The following SOS1 variants were observed in gnomAD, a reference collection of about 807,000 sequenced individuals.
SOS1 encodes SOS Ras/Rac guanine nucleotide exchange factor 1.
In SOS1, 25 loss-of-function variants were observed where a neutral mutation model predicts 157.6. The ratio of observed to expected loss-of-function variants is 0.16; its 90% confidence interval spans 0.12 to 0.22. The LOEUF is 0.22. SOS1 is among the 10% of genes least tolerant of loss of function. The pLI, the probability that SOS1 is intolerant of heterozygous loss-of-function variation, is 1.00. For missense variants in SOS1, 1,237 were observed against 1,599.1 expected, an observed-to-expected ratio of 0.77 and a Z score of 3.86; for synonymous variants, 528 against 534.0, an observed-to-expected ratio of 0.99 and a Z score of 0.16.
At chr2:39,060,372 C>T (rs1172678971) in intron 2 of SOS1, among the ~76,000 whole-genome samples, 1 of 152,198 alleles carries the variant, frequency 6.6e-6, no homozygotes, top group African/African-American at 2.4e-5. Context: ...TTTCCTAAAA[C>T]AAACCTGTCC....
intron 6 of SOS1, among the ~76,000 whole-genome samples, chr2:39,048,411 TTTTC>T (rs1670874720): frequency 6.6e-6 from 1 of 152,114 alleles, no homozygotes; most frequent in Non-Finnish European, 1.5e-5. Context: ...TTCTTTTTTT[TTTTC>T]TTTAAGACAG....
At chr2:39,092,651 G>A (rs570619748) in intron 1 of SOS1, among the ~76,000 whole-genome samples, 233 of 152,146 alleles carry the variant, frequency 1.5e-3, no homozygotes, top group African/African-American at 5.4e-3. Context: ...AACACTGCTT[G>A]GCATTTCTGT....
chr2:39,067,587 A>T, intron 2 of SOS1, 41 bp downstream of exon 2: 2 of 1,586,742 alleles, frequency 1.3e-6, no homozygotes, highest in Non-Finnish European at 8.7e-7. Context: ...ACCAACACAC[A>T]AATTAGATAT....
Position 39,120,434 on chromosome 2 carries a change from G to T in SOS1, c.-12C>A. 1 of 1,572,002 alleles carries T rather than the reference G, an allele frequency of 6.4e-7. No individual in the cohort carries two copies. Among genetic ancestry groups the T allele is most frequent in the Non-Finnish European group, 8.6e-7 (1 of 1,161,638 alleles). ...TGCTGCGCCTGCATGGTGCCCCCGG[G>T]GCGCCTCTGGGCGGGGAGAGGGGCG... On this transcript the variant is annotated 5_prime_UTR_variant, in exon 1 of 23. Transcript: ENST00000402219.
At position 39,099,421 on chromosome 2, in the gene SOS1, T is replaced by G. The variant is rs558882832; in HGVS notation, c.87+20915A>C. ...AAATCCATAAAGACAGAAAATAGAT[T>G]AATGGTTACCTGGGGCTGGAGGTTT... is the stretch of plus-strand genomic sequence containing the variant. On this transcript the variant is annotated intron_variant, in intron 1 of 22. Transcript: ENST00000402219. Among the ~76,000 whole-genome samples, 4 of 152,248 alleles carry G rather than the reference T, an allele frequency of 2.6e-5. No homozygotes were observed. In the East Asian group the frequency reaches 7.7e-4, roughly 29 times the overall value.
intron 1 of SOS1, among the ~76,000 whole-genome samples, chr2:39,102,536 A>AG (rs1200753087): frequency 6.8e-6 from 1 of 146,882 alleles, no homozygotes; most frequent in East Asian, 1.9e-4. Flanking sequence ...ATCTCAAAAA[A>AG]AAAAAAAAAA....
intron 8 of SOS1, among the ~76,000 whole-genome samples, chr2:39,026,382 A>C (rs1302714403): frequency 6.7e-6 from 1 of 149,966 alleles, no homozygotes; most frequent in African/African-American, 2.4e-5. Context: ...AAACAGAAAA[A>C]TTTATTCCTA....
At chr2:39,090,139 CAAAA>C (rs10598316) in intron 1 of SOS1, among the ~76,000 whole-genome samples, 6 of 110,932 alleles carry the variant, frequency 5.4e-5, no homozygotes, top group South Asian at 3.1e-4. Context: ...GACCCTGTCT[CAAAA>C]AAAAAAAAAA....
rs373948887 is a variant in SOS1, at chr2:38,995,195, C to T, written c.3274G>A (p.Ala1092Thr). 3 of 1,613,896 alleles carry T rather than the reference C, an allele frequency of 1.9e-6. No individual in the cohort carries two copies. The African/African-American group carries it at 4.0e-5, about 22-fold the overall frequency. The change falls in exon 20 of 23, where the codon GCT becomes ACT. Residue 1092 changes from alanine to threonine, a missense_variant. Ala to Thr is a moderately conservative substitution (Grantham distance 58). Transcript: ENST00000402219. Reference sequence around the variant, plus strand: ...TCTGTGGTACTGGAAGCACCAGAAGCAGGCGGAGGTGTTAACGGTGTTCTT... The same window carrying T: ...TCTGTGGTACTGGAAGCACCAGAAGTAGGCGGAGGTGTTAACGGTGTTCTT... ...SPRTPLTPPP[A>T]SGASSTTDVC...
chr2:39,119,569 T>C (rs1404747928), intron 1 of SOS1, among the ~76,000 whole-genome samples: 1 of 152,224 alleles, frequency 6.6e-6, no homozygotes, highest in Non-Finnish European at 1.5e-5. Flanking sequence ...AAAAATAGTC[T>C]GGTTGTCACA....
chr2:39,022,509 A>G, intron 10 of SOS1, 61 bp downstream of exon 10: 1 of 1,330,864 alleles, frequency 7.5e-7, no homozygotes, highest in Non-Finnish European at 1.1e-6. Context: ...AAACCCATGC[A>G]GGAAAGAAAA....
chr2:39,110,844 T>C (rs1673399948), intron 1 of SOS1, among the ~76,000 whole-genome samples: 2 of 152,248 alleles, frequency 1.3e-5, no homozygotes, highest in African/African-American at 4.8e-5. Context: ...CTCACACCTA[T>C]AACCCCAGCA....
intron 1 of SOS1, among the ~76,000 whole-genome samples, chr2:39,091,758 T>C (rs759245720): frequency 2.6e-5 from 4 of 152,164 alleles, no homozygotes; most frequent in East Asian, 1.9e-4. Context: ...TGCCATTCTA[T>C]AATACGGCCA....
intron 5 of SOS1, among the ~76,000 whole-genome samples, chr2:39,051,575 CTA>C (rs1671018194): frequency 6.6e-6 from 1 of 152,022 alleles, no homozygotes; most frequent in African/African-American, 2.4e-5. Context: ...TTGTTTATAA[CTA>C]TGTATTTCAA....
chr2:39,099,739 A>G (rs1672896092), intron 1 of SOS1, among the ~76,000 whole-genome samples: 3 of 152,094 alleles, frequency 2.0e-5, no homozygotes. Flanking sequence ...CAAACCATAT[A>G]TCTTTTTTTA....
chr2:38,997,662 A>G (rs1014296470), intron 17 of SOS1, among the ~76,000 whole-genome samples: 2 of 150,872 alleles, frequency 1.3e-5, no homozygotes, highest in Admixed American at 6.6e-5. Context: ...AGTGGGATAC[A>G]TATTTTTTAT....
At position 38,986,086 on chromosome 2, in the gene SOS1, G is replaced by A; in HGVS notation, c.3740C>T (p.Ala1247Val). Reference sequence around the variant, plus strand: ...GGGGGAAGGGCTGTTTGGGAAGAAGGCATTGCCATGGTCACTTTTTTTGCC... The same window carrying A: ...GGGGGAAGGGCTGTTTGGGAAGAAGACATTGCCATGGTCACTTTTTTTGCC... ...PLGKKSDHGNAFFPNSPSPFT... is the reference protein window; with the variant it reads ...PLGKKSDHGNVFFPNSPSPFT... Residue 1247 changes from alanine to valine, a missense_variant, in exon 23 of 23, where the codon GCC becomes GTC. Ala to Val is a moderately conservative substitution (Grantham distance 64). Transcript: ENST00000402219. 6.2e-7 allele frequency: 1 copy of A among 1,613,928 alleles called. No homozygotes were observed. Among genetic ancestry groups the A allele is most frequent in the Non-Finnish European group, 8.5e-7 (1 of 1,179,906 alleles).
chr2:39,045,786 C>T (rs1377281334), intron 6 of SOS1, among the ~76,000 whole-genome samples: 2 of 151,972 alleles, frequency 1.3e-5, no homozygotes, highest in African/African-American at 2.4e-5. Context: ...CTAGGCTCAC[C>T]GCAACTCCGC....
chr2:38,996,640 A>G (rs1572805925), intron 19 of SOS1, among the ~76,000 whole-genome samples: 1 of 152,330 alleles, frequency 6.6e-6, no homozygotes, highest in East Asian at 1.9e-4. Context: ...AAATTCATTA[A>G]AATTCCTGTC....
Sources: allele counts gnomAD v4.1 joint callset (sites outside exome capture counted in the v4.1 genomes callset), GRCh38; gene constraint gnomAD v4.1.1; transcripts MANE v1.5; gene names NCBI Gene and HGNC (gene_info 2026-07-23, HGNC 2026-07-21).